PSMD6: variants seen among roughly 807,000 people sequenced by gnomAD.
PSMD6 encodes the protein proteasome 26S subunit, non-ATPase 6, also known as 26S proteasome non-ATPase regulatory subunit 6.
PSMD6 carries 7 observed loss-of-function variants against 44.9 expected under a neutral mutation model. The observed-to-expected ratio is 0.16, with a 90% confidence interval of 0.09 to 0.29. The LOEUF (loss-of-function observed/expected upper bound fraction) is 0.29. Ranked by LOEUF, PSMD6 falls within the 10% of genes least tolerant of loss-of-function variation. PSMD6 has a pLI of 1.00. For missense variants in PSMD6, 420 were observed against 482.6 expected, an observed-to-expected ratio of 0.87 and a Z score of 1.21; for synonymous variants, 184 against 172.7, an observed-to-expected ratio of 1.07 and a Z score of -0.51.
Position 64,023,416 on chromosome 3 carries a change from G to A in PSMD6, c.4C>T (p.Pro2Ser). MPLENLEEEGLP... is the reference protein window; with the variant it reads MSLENLEEEGLP... ...CCCTCCTCCTCCAGGTTCTCCAGCG[G>A]CATCGCGGCGAAGGGGACAGCGGCT... Residue 2 changes from proline (P) to serine (S), a missense_variant, in exon 1 of 8, where the codon CCG (proline) becomes TCG (serine). Physicochemically the swap from Pro to Ser is moderately conservative, Grantham distance 74 (BLOSUM62 -1). This residue lies in a region of PSMD6 where 136 missense variants were observed against 124.2 expected (regional missense o/e 1.09). Coordinates refer to ENST00000295901, the MANE Select transcript of PSMD6 (RefSeq NM_014814.3). The A allele has an allele frequency of 2.5e-6, 4 of 1,598,280 alleles. No individual in the cohort carries two copies. The highest frequency in any genetic ancestry group is 3.4e-6 in the Non-Finnish European group (4 of 1,169,966).
In PSMD6 at chr3:64,022,174, T is replaced by C. The variant is rs1441417030; in HGVS notation, c.351+144A>G. The C allele has an allele frequency of 6.8e-6, 6 of 887,650 alleles. 1 individual carries two copies. The South Asian group carries it at 7.0e-5, about 10-fold the overall frequency. The allele number at this position is 887,650 out of a possible 1,614,324, so 55.0% of individuals were successfully genotyped here. On this transcript the variant is annotated intron_variant, in intron 2 of 7. Coordinates refer to ENST00000295901, the MANE Select transcript of PSMD6 (RefSeq NM_014814.3). ...TGGAGACGACTTTTTCATCTTTACA[T>C]TGATTCACCAGTACAAGCAAGCATG...
chr3:64,023,019 T>A, intron 1 of PSMD6: 2 of 1,420,466 alleles, frequency 1.4e-6, no homozygotes, highest in Non-Finnish European at 1.8e-6. Context: ...TAAATATTAA[T>A]GCCTCACGAT....
In PSMD6 at chr3:64,019,036, A is replaced by C. The variant is rs747166449; in HGVS notation, c.499T>G (p.Leu167Val). The C allele has an allele frequency of 1.9e-6, 3 of 1,593,452 alleles. No individual in the cohort carries two copies. The highest frequency in any genetic ancestry group is 2.6e-6 in the Non-Finnish European group (3 of 1,161,366). Residue 167 changes from leucine to valine, a missense_variant and splice_region_variant, in exon 4 of 8, where the codon TTA becomes GTA. By Grantham distance (32) the Leu-to-Val change is conservative. Around this residue, in one of 4 missense-constraint regions of PSMD6, gnomAD observed 216 missense variants for 227.0 expected, o/e 0.95. Transcript: ENST00000295901. ...ITRNTEKAKS[L>V]IEEGGDWDRR... ...TCCCAGTCTCCTCCTTCTTCTATTA[A>C]GCTATGAAATAAAAACAGTAAGATC...
chr3:64,017,490 A>G (rs568655368), intron 5 of PSMD6: 9 of 152,308 alleles, frequency 5.9e-5, no homozygotes, highest in African/African-American at 2.2e-4. Flanking sequence ...GAAGGGCTCC[A>G]TATTTGAGTT....
chr3:64,022,295 G>C (rs202177408), intron 2 of PSMD6, 23 bp downstream of exon 2: 6 of 1,612,820 alleles, frequency 3.7e-6, no homozygotes, highest in South Asian at 2.2e-5. Context: ...TAACTACAGA[G>C]AGGGAAAACC....
intron 1 of PSMD6, 105 bp from the exon 2 acceptor site, chr3:64,022,628 C>T: frequency 6.4e-7 from 1 of 1,570,492 alleles, no homozygotes; most frequent in South Asian, 1.1e-5. Flanking sequence ...ATCCACCAGT[C>T]TCTTCCCCAC....
At position 64,010,595 on chromosome 3, in the gene PSMD6, G is replaced by C; in HGVS notation, c.*73C>G. The C allele has an allele frequency of 9.1e-7, 1 of 1,097,922 alleles. No individual in the cohort carries two copies. The allele number at this position is 1,097,922 out of a possible 1,614,324, so 68.0% of individuals were successfully genotyped here. On this transcript the variant is annotated 3_prime_UTR_variant, in exon 8 of 8. Coordinates refer to ENST00000295901, the MANE Select transcript of PSMD6 (RefSeq NM_014814.3). ...TATTTATTTTATACAGCTGACCTGG[G>C]CACATTGTGAAGTAAGCTATAAAAA... is the stretch of plus-strand genomic sequence containing the variant.
rs755448982 is a variant in PSMD6, at chr3:64,023,444, C to A, written c.-25G>T. ...TCGCGGCGAAGGGGACAGCGGCTGA[C>A]AGGACACAACTTGGTTACGACCGGC... On this transcript the variant is annotated 5_prime_UTR_variant, in exon 1 of 8. Transcript: ENST00000295901. The A allele has an allele frequency of 3.8e-6, 6 of 1,571,752 alleles. No individual in the cohort carries two copies. The highest frequency in any genetic ancestry group is 5.2e-6 in the Non-Finnish European group (6 of 1,153,260).
intron 5 of PSMD6, 122 bp downstream of exon 5, chr3:64,018,477 A>C: frequency 1.4e-6 from 1 of 706,580 alleles, no homozygotes; most frequent in Non-Finnish European, 2.3e-6. Context: ...TACTGATCAA[A>C]GACATGCAGC....
At chr3:64,012,494 T>A (rs1177688245) in intron 6 of PSMD6, 1 of 152,226 alleles carries the variant, frequency 6.6e-6, no homozygotes, top group South Asian at 2.1e-4. Context: ...AGACACTGCA[T>A]AGGACCATGT....
At chr3:64,017,072 T>C (rs1371343682) in intron 5 of PSMD6, 1 of 152,290 alleles carries the variant, frequency 6.6e-6, no homozygotes. Context: ...ATTTTATGAC[T>C]GCATTTAGAT....
At chr3:64,022,560 C>A in intron 1 of PSMD6, 37 bp from the exon 2 acceptor site, 1 of 1,610,518 alleles carries the variant, frequency 6.2e-7, no homozygotes, top group Non-Finnish European at 8.5e-7. Flanking sequence ...AGTGGGGACA[C>A]TTGTGCCCTC....
chr3:64,019,317 C>A lies in PSMD6; in HGVS notation c.476G>T (p.Arg159Leu). Reference sequence around the variant, plus strand: ...GTACCTTTTGGCCTTTTCTGTGTTTCGTGTGATGAGATCATTATCCATATA... The same window carrying A: ...GTACCTTTTGGCCTTTTCTGTGTTTAGTGTGATGAGATCATTATCCATATA... ...LFYMDNDLITRNTEKAKSLIE... is the reference protein window; with the variant it reads ...LFYMDNDLITLNTEKAKSLIE... Residue 159 changes from arginine to leucine, a missense_variant, in exon 3 of 8, where the codon CGA (arginine) becomes CTA (leucine). This residue lies in a region of PSMD6 where 216 missense variants were observed against 227.0 expected (regional missense o/e 0.95). Coordinates refer to ENST00000295901, the MANE Select transcript of PSMD6 (RefSeq NM_014814.3). The A allele has an allele frequency of 6.3e-7, 1 of 1,587,318 alleles. No homozygotes were observed. Among genetic ancestry groups the A allele is most frequent in the Non-Finnish European group, 8.7e-7 (1 of 1,155,932 alleles).
rs192437489 is a variant in PSMD6 at position 64,022,712 on chromosome 3, G to A, written c.146-189C>T. On this transcript the variant is annotated intron_variant, in intron 1 of 7. Coordinates refer to ENST00000295901, the MANE Select transcript of PSMD6 (RefSeq NM_014814.3). Reference sequence around the variant, plus strand: ...AAACGTATGCTGGTGGGAGGTTTGCGTGACGGCCAATCCTGGCAATGCCAA... The same window carrying A: ...AAACGTATGCTGGTGGGAGGTTTGCATGACGGCCAATCCTGGCAATGCCAA... 3.9e-6 allele frequency: 6 copies of A among 1,536,800 alleles called. No individual in the cohort carries two copies. In the African/African-American group the frequency reaches 5.5e-5, roughly 14 times the overall value.
At chr3:64,021,075 AG>A (rs1457736180) in intron 2 of PSMD6, among the ~76,000 whole-genome samples, 1 of 152,060 alleles carries the variant, frequency 6.6e-6, no homozygotes, top group Admixed American at 6.6e-5. Flanking sequence ...AAAAAAAAGA[AG>A]AAAAAAAAAA....
In PSMD6 at chr3:64,023,470, T is replaced by C; in HGVS notation, c.-51A>G. 2.0e-6 allele frequency: 3 copies of C among 1,506,814 alleles called. No homozygotes were observed. Among genetic ancestry groups the C allele is most frequent in the Non-Finnish European group, 1.8e-6 (2 of 1,119,910 alleles). The allele number at this position is 1,506,814 out of a possible 1,614,324, so 93.3% of individuals were successfully genotyped here. On this transcript the variant is annotated 5_prime_UTR_variant, in exon 1 of 8. Coordinates refer to ENST00000295901, the MANE Select transcript of PSMD6 (RefSeq NM_014814.3). Reference sequence around the variant, plus strand: ...AGGACACAACTTGGTTACGACCGGCTGCGGCAGCGGAAGCGGGAGGAGTCG... The same window carrying C: ...AGGACACAACTTGGTTACGACCGGCCGCGGCAGCGGAAGCGGGAGGAGTCG...
Position 64,010,716 on chromosome 3 carries a change from A to C in PSMD6, c.1122T>G (p.Asp374Glu), listed in dbSNP as rs554103023. 1 of 1,610,924 alleles carries C rather than the reference A, an allele frequency of 6.2e-7. No individual in the cohort carries two copies. Among genetic ancestry groups the C allele is most frequent in the African/African-American group, 1.3e-5 (1 of 74,966 alleles). ...WQYQETIKKG[D>E]LLLNRVQKLS... ...GTTTTTGAACTCTGTTTAGTAGCAG[A>C]TCTCCTTTCTTGATAGTTTCTTGGT... is the stretch of plus-strand genomic sequence containing the variant. Residue 374 changes from aspartate (D) to glutamate (E), a missense_variant, in exon 8 of 8, where the codon GAT becomes GAG. By Grantham distance (45) the Asp-to-Glu change is conservative. Coordinates refer to ENST00000295901, the MANE Select transcript of PSMD6 (RefSeq NM_014814.3).
intron 6 of PSMD6, chr3:64,011,563 A>AT: frequency 6.6e-6 from 1 of 152,312 alleles, no homozygotes; most frequent in South Asian, 2.1e-4. Flanking sequence ...TATCACAGAA[A>AT]TTTAAAACAA....
At chr3:64,022,860 C>T in intron 1 of PSMD6, 4 of 1,527,384 alleles carry the variant, frequency 2.6e-6, no homozygotes, top group Non-Finnish European at 3.5e-6. Context: ...TTCAAACATA[C>T]ACATTCACTA....
Sources: gnomAD v4.1 joint callset for allele counts (sites outside exome capture counted in the v4.1 genomes callset) on GRCh38, gnomAD v4.1.1 for gene constraint, gnomAD v4.1.1 regional missense constraint, MANE v1.5 for transcripts, NCBI Gene and HGNC (gene_info 2026-07-23, HGNC 2026-07-21) for gene names.